CBFA2T2: variants seen among roughly 807,000 people sequenced by gnomAD.
CBFA2T2 encodes CBFA2/RUNX1 partner transcriptional co-repressor 2.
CBFA2T2 carries 11 observed loss-of-function variants against 62.2 expected under a neutral mutation model. The ratio of observed to expected loss-of-function variants is 0.18; its 90% confidence interval spans 0.11 to 0.29. The LOEUF is 0.29. CBFA2T2 is among the 10% of genes least tolerant of loss of function. The pLI is 1.00. For missense variants in CBFA2T2, 592 were observed against 774.1 expected (o/e 0.76, Z 2.79); for synonymous variants, 295 against 287.5 (o/e 1.03, Z -0.27).
At chr20:33,579,726 CCTT>C (rs1477174888) in intron 1 of CBFA2T2, among the ~76,000 whole-genome samples, 5 of 151,740 alleles carry the variant, frequency 3.3e-5, no homozygotes, top group East Asian at 1.9e-4. Flanking sequence ...CCAACCCTGT[CCTT>C]CTTTTTTGAG....
chr20:33,562,583 T>A, intron 1 of CBFA2T2: 1 of 985,818 alleles, frequency 1.0e-6, no homozygotes, highest in Non-Finnish European at 1.2e-6. Flanking sequence ...CTTTGAAGAT[T>A]AGGAGGAGAA....
At chr20:33,529,422 A>G (rs1334520937) in intron 1 of CBFA2T2, among the ~76,000 whole-genome samples, 1 of 152,116 alleles carries the variant, frequency 6.6e-6, no homozygotes, top group African/African-American at 2.4e-5. Context: ...TAACTAGTGC[A>G]GGAGCTCTTT....
At chr20:33,494,272 TA>T (rs56103692) in intron 1 of CBFA2T2, among the ~76,000 whole-genome samples, 576 of 40,660 alleles carry the variant, frequency 0.014, 37 homozygotes, top group Non-Finnish European at 0.02. Context: ...TATATATATA[TA>T]TTTTTTTTTT....
chr20:33,637,811 G>T (rs1010962168), intron 9 of CBFA2T2, among the ~76,000 whole-genome samples: 3 of 151,788 alleles, frequency 2.0e-5, no homozygotes, highest in African/African-American at 7.3e-5. Flanking sequence ...GGGATTACAG[G>T]CATGCACCAC....
intron 1 of CBFA2T2, among the ~76,000 whole-genome samples, chr20:33,551,726 T>G (rs1471025946): frequency 6.6e-6 from 1 of 151,918 alleles, no homozygotes; most frequent in East Asian, 1.9e-4. Flanking sequence ...GAGACGGGGT[T>G]TCACCATATT....
At chr20:33,498,389 T>G (rs1213399895) in intron 1 of CBFA2T2, among the ~76,000 whole-genome samples, 1 of 151,770 alleles carries the variant, frequency 6.6e-6, no homozygotes, top group East Asian at 2.0e-4. Flanking sequence ...GTCGCTGGGT[T>G]TACAGGCATG....
At chr20:33,553,579 TG>T (rs2012800866) in intron 1 of CBFA2T2, among the ~76,000 whole-genome samples, 2 of 152,208 alleles carry the variant, frequency 1.3e-5, no homozygotes, top group Non-Finnish European at 2.9e-5. Context: ...TTTTTGGCTT[TG>T]TGGGCCACAC....
chr20:33,543,354 T>C (rs936295576), intron 1 of CBFA2T2, among the ~76,000 whole-genome samples: 2 of 152,214 alleles, frequency 1.3e-5, no homozygotes, highest in African/African-American at 4.8e-5. Context: ...TTAGATATTA[T>C]AGGGAAAACC....
chr20:33,588,098 G>A (rs1328360076), intron 1 of CBFA2T2, among the ~76,000 whole-genome samples: 1 of 152,110 alleles, frequency 6.6e-6, no homozygotes, highest in East Asian at 1.9e-4. Context: ...TGATTGACAT[G>A]TTAAAAAGCT....
At chr20:33,592,084 C>T (rs1205700538) in intron 1 of CBFA2T2, among the ~76,000 whole-genome samples, 4 of 152,176 alleles carry the variant, frequency 2.6e-5, no homozygotes, top group African/African-American at 9.6e-5. Flanking sequence ...CGACATAGGC[C>T]GGGCCCAGTG....
intron 1 of CBFA2T2, among the ~76,000 whole-genome samples, chr20:33,497,378 C>G (rs2011213220): frequency 1.3e-5 from 2 of 150,040 alleles, no homozygotes; most frequent in South Asian, 2.1e-4. Context: ...GCCTAGAGAT[C>G]TAGAGATGCT....
intron 1 of CBFA2T2, among the ~76,000 whole-genome samples, chr20:33,576,848 A>C (rs2013850956): frequency 6.6e-6 from 1 of 152,250 alleles, no homozygotes; most frequent in African/African-American, 2.4e-5. Flanking sequence ...AACCGTTCCA[A>C]GTGTATAAGT....
At chr20:33,606,825 C>A (rs2122287201) in intron 1 of CBFA2T2, 131 bp from the exon 2 acceptor site, 2 of 804,800 alleles carry the variant, frequency 2.5e-6, no homozygotes, top group Non-Finnish European at 4.0e-6. Context: ...GTGGACATAT[C>A]TTTTAGGGGG....
chr20:33,534,751 C>CTTTTTTT (rs11167206), intron 1 of CBFA2T2, among the ~76,000 whole-genome samples: 25 of 92,954 alleles, frequency 2.7e-4, no homozygotes, highest in East Asian at 7.6e-4. Flanking sequence ...ATCTTTTTAG[C>CTTTTTTT]TTTTTTTTTT....
intron 1 of CBFA2T2, among the ~76,000 whole-genome samples, chr20:33,577,878 G>A (rs977746882): frequency 4.6e-5 from 7 of 152,128 alleles, no homozygotes; most frequent in East Asian, 1.9e-4. Flanking sequence ...CATTCTTTGC[G>A]TGTAATAAAT....
intron 1 of CBFA2T2, among the ~76,000 whole-genome samples, chr20:33,582,689 C>T (rs1290731387): frequency 6.6e-6 from 1 of 152,176 alleles, no homozygotes; most frequent in Non-Finnish European, 1.5e-5. Flanking sequence ...CACCTGTAAT[C>T]CCAGCATTTT....
chr20:33,634,092 C>G (rs917385720), intron 8 of CBFA2T2, among the ~76,000 whole-genome samples: 1 of 152,120 alleles, frequency 6.6e-6, no homozygotes, highest in African/African-American at 2.4e-5. Flanking sequence ...CCTCAGCCTC[C>G]CAAGTAGCTG....
chr20:33,637,741 C>A (rs541937314), intron 9 of CBFA2T2, among the ~76,000 whole-genome samples: 14 of 150,502 alleles, frequency 9.3e-5, no homozygotes, highest in African/African-American at 3.4e-4. Flanking sequence ...GATCTCGGCT[C>A]ACTGCAACTT....
intron 1 of CBFA2T2, among the ~76,000 whole-genome samples, chr20:33,508,186 C>T (rs1450471972): frequency 2.0e-5 from 3 of 152,118 alleles, no homozygotes; most frequent in African/African-American, 7.2e-5. Context: ...CCTCCGCCTC[C>T]CGGGTTTAAG....
Sources: gnomAD v4.1 joint callset for allele counts (sites outside exome capture counted in the v4.1 genomes callset) on GRCh38, gnomAD v4.1.1 for gene constraint, MANE v1.5 for transcripts, NCBI Gene and HGNC (gene_info 2026-07-23, HGNC 2026-07-21) for gene names.